Variants in GLRA3 observed in about 807,000 individuals in gnomAD.
GLRA3 encodes glycine receptor subunit alpha-3.
A neutral mutation model predicts 60.4 loss-of-function variants in GLRA3; 44 were observed. The ratio of observed to expected loss-of-function variants is 0.73; its 90% CI spans 0.57 to 0.94. The LOEUF (loss-of-function observed/expected upper bound fraction) is 0.94, where lower values mean the gene tolerates loss of function less well. GLRA3 is among the 40% of genes least tolerant of loss of function. The pLI is 0.00. For synonymous variants in GLRA3, 223 were observed against 192.9 expected, an observed-to-expected ratio of 1.16 and a Z score of -1.29; for missense variants, 508 against 564.6, an observed-to-expected ratio of 0.90 and a Z score of 1.02.
intron 2 of GLRA3, among the ~76,000 whole-genome samples, chr4:174,767,631 T>C (rs960320779): frequency 6.6e-6 from 1 of 152,084 alleles, no homozygotes; most frequent in Non-Finnish European, 1.5e-5. Context: ...AATATTTGAT[T>C]AGAGATTTCT....
intron 3 of GLRA3, among the ~76,000 whole-genome samples, chr4:174,749,558 C>G (rs960696242): frequency 6.6e-6 from 1 of 152,022 alleles, no homozygotes; most frequent in Admixed American, 6.6e-5. Context: ...TTTTGCAAAC[C>G]AAGTATTGAA....
At chr4:174,776,857 G>A (rs6826181) in intron 2 of GLRA3, among the ~76,000 whole-genome samples, 111,520 of 152,080 alleles carry the variant, frequency 0.73, 41,188 homozygotes, top group East Asian at 0.99. Context: ...CGCATTCAAG[G>A]AAAATGGTTT....
intron 1 of GLRA3, among the ~76,000 whole-genome samples, chr4:174,825,175 T>A (rs996023369): frequency 5.9e-5 from 9 of 152,080 alleles, no homozygotes; most frequent in African/African-American, 2.2e-4. Flanking sequence ...AAGATTTTTT[T>A]AAAACTATAC....
intron 7 of GLRA3, among the ~76,000 whole-genome samples, chr4:174,668,851 C>G (rs1021597401): frequency 6.6e-5 from 10 of 152,054 alleles, no homozygotes; most frequent in Non-Finnish European, 1.5e-5. Context: ...AATAAAACAT[C>G]ACAGTGTATG....
At chr4:174,689,881 C>T (rs1295706554) in intron 5 of GLRA3, among the ~76,000 whole-genome samples, 1 of 146,350 alleles carries the variant, frequency 6.8e-6, no homozygotes, top group East Asian at 2.0e-4. Flanking sequence ...ATTTGCCAAG[C>T]AAATGAAAAA....
At chr4:174,649,720 A>C (rs1453334045) in intron 9 of GLRA3, among the ~76,000 whole-genome samples, 1 of 150,098 alleles carries the variant, frequency 6.7e-6, no homozygotes, top group Non-Finnish European at 1.5e-5. Context: ...TGCTGGCTGG[A>C]TGTGGTGAAA....
intron 1 of GLRA3, among the ~76,000 whole-genome samples, chr4:174,802,616 C>A (rs1739859468): frequency 6.6e-6 from 1 of 152,050 alleles, no homozygotes; most frequent in South Asian, 2.1e-4. Flanking sequence ...CAAATAAAGA[C>A]TTTCTTTCCT....
chr4:174,798,077 C>T (rs547163110), intron 1 of GLRA3, among the ~76,000 whole-genome samples: 17 of 152,152 alleles, frequency 1.1e-4, no homozygotes, highest in South Asian at 8.3e-4. Flanking sequence ...AGAGAAAATA[C>T]GAAAGTTGAA....
chr4:174,719,391 A>C (rs1465749513), intron 4 of GLRA3, among the ~76,000 whole-genome samples: 1 of 152,190 alleles, frequency 6.6e-6, no homozygotes, highest in African/African-American at 2.4e-5. Flanking sequence ...GATATATTGC[A>C]TGCACATATC....
At chr4:174,827,440 A>G (rs746054053) in intron 1 of GLRA3, among the ~76,000 whole-genome samples, 6 of 151,678 alleles carry the variant, frequency 4.0e-5, no homozygotes, top group Admixed American at 6.5e-5. Context: ...ATTAAGAAAT[A>G]TAGAGAAATA....
At chr4:174,668,212 C>T (rs566931270) in intron 7 of GLRA3, among the ~76,000 whole-genome samples, 2 of 152,204 alleles carry the variant, frequency 1.3e-5, no homozygotes, top group East Asian at 3.9e-4. Flanking sequence ...CCAATTAATC[C>T]TCTTTTCTTT....
chr4:174,818,185 G>A (rs1407159735), intron 1 of GLRA3, among the ~76,000 whole-genome samples: 2 of 152,122 alleles, frequency 1.3e-5, no homozygotes, highest in African/African-American at 2.4e-5. Context: ...AAGTGAATGA[G>A]GAGAGGCAAT....
chr4:174,667,078 A>G (rs1733706287), intron 7 of GLRA3, among the ~76,000 whole-genome samples: 1 of 152,038 alleles, frequency 6.6e-6, no homozygotes. Flanking sequence ...TGCTATCCTC[A>G]CTTGTAACAC....
chr4:174,663,091 A>T (rs1174099272), intron 7 of GLRA3, among the ~76,000 whole-genome samples: 1 of 152,030 alleles, frequency 6.6e-6, no homozygotes, highest in African/African-American at 2.4e-5. Flanking sequence ...GAAAGAGTTT[A>T]TTTCTTGACA....
At chr4:174,777,119 G>C (rs1178585277) in intron 2 of GLRA3, among the ~76,000 whole-genome samples, 2 of 152,048 alleles carry the variant, frequency 1.3e-5, no homozygotes, top group African/African-American at 4.8e-5. Context: ...AACAGTGCCA[G>C]CATAAGCAAA....
chr4:174,823,256 T>C (rs1350320048), intron 1 of GLRA3, among the ~76,000 whole-genome samples: 3 of 152,052 alleles, frequency 2.0e-5, no homozygotes, highest in Non-Finnish European at 2.9e-5. Context: ...AAAAAAAATG[T>C]ATTTCCACAT....
intron 3 of GLRA3, among the ~76,000 whole-genome samples, chr4:174,743,179 C>T (rs1193281485): frequency 6.6e-6 from 1 of 151,974 alleles, no homozygotes; most frequent in East Asian, 1.9e-4. Context: ...GTTTTTGAAA[C>T]CTAAAAATTA....
chr4:174,789,016 A>G, intron 1 of GLRA3, 73 bp from the exon 2 acceptor site: 2 of 958,802 alleles, frequency 2.1e-6, no homozygotes. Context: ...CAAATATAAA[A>G]TAGAAATGCT....
rs570064923 is a variant in GLRA3 at position 174,828,948 on chromosome 4, G to A, written c.-137C>T. The A allele has an allele frequency of 1.5e-6, 1 of 671,878 alleles. No homozygotes were observed. The highest frequency in any genetic ancestry group is 1.7e-5 in the South Asian group (1 of 58,140). 41.6% of individuals were successfully genotyped at this position (671,878 alleles called of 1,614,324 possible). A position where few individuals can be genotyped will look rare whatever the true frequency, so the allele number is the denominator to read the frequency against. ...ATGCTTGGGAAGCTTCAGCACCTTA[G>A]ACAGCTCCCCGCAGTATGCGGACCC... On this transcript the variant is annotated 5_prime_UTR_variant, in exon 1 of 10. Transcript: ENST00000274093.
Sources: gnomAD v4.1 joint callset for allele counts (sites outside exome capture counted in the v4.1 genomes callset) on GRCh38, gnomAD v4.1.1 for gene constraint, MANE v1.5 for transcripts, NCBI Gene and HGNC (gene_info 2026-07-23, HGNC 2026-07-21) for gene names.